KAZN: variants seen among roughly 807,000 people sequenced by gnomAD.
The protein encoded by KAZN is kazrin, periplakin interacting protein.
KAZN carries 40 observed loss-of-function variants against 87.4 expected under a neutral mutation model. The observed-to-expected ratio is 0.46, with a 90% CI of 0.36 to 0.60. The LOEUF (loss-of-function observed/expected upper bound fraction) is 0.60, where lower values mean the gene tolerates loss of function less well. Among genes scored for constraint, KAZN ranks in the 20% least tolerant of loss-of-function variants. KAZN has a pLI of 0.00. For missense variants in KAZN, 898 were observed against 1,073.9 expected (o/e 0.84, Z 2.29); for synonymous variants, 466 against 458.3 (o/e 1.02, Z -0.22).
intron 1 of KAZN, among the ~76,000 whole-genome samples, chr1:14,876,140 C>T (rs1382118218): frequency 6.6e-6 from 1 of 152,224 alleles, no homozygotes; most frequent in African/African-American, 2.4e-5. Flanking sequence ...ATTAGGGCAC[C>T]TCAGAGGCTT....
intron 1 of KAZN, among the ~76,000 whole-genome samples, chr1:14,009,656 C>T (rs1310715306): frequency 6.6e-6 from 1 of 152,170 alleles, no homozygotes; most frequent in Non-Finnish European, 1.5e-5. Context: ...AGGTCAGGAG[C>T]CTAACGTGGG....
intron 1 of KAZN, among the ~76,000 whole-genome samples, chr1:14,032,613 A>T (rs567059669): frequency 2.0e-4 from 31 of 152,130 alleles, no homozygotes; most frequent in Non-Finnish European, 4.0e-4. Context: ...TTTCCCATCC[A>T]TTCTGCATGC....
chr1:14,393,340 A>G (rs1173590610), intron 2 of KAZN, among the ~76,000 whole-genome samples: 2 of 152,222 alleles, frequency 1.3e-5, no homozygotes, highest in African/African-American at 4.8e-5. Flanking sequence ...AATAGATGCT[A>G]TATTGCTATT....
At chr1:14,749,054 T>A (rs2100478845) in intron 1 of KAZN, among the ~76,000 whole-genome samples, 1 of 152,356 alleles carries the variant, frequency 6.6e-6, no homozygotes, top group East Asian at 1.9e-4. Context: ...CACAGGCAAG[T>A]CACTCTAGTC....
At chr1:15,073,048 A>C (rs1296163128) in intron 8 of KAZN, among the ~76,000 whole-genome samples, 2 of 152,224 alleles carry the variant, frequency 1.3e-5, no homozygotes, top group East Asian at 3.9e-4. Context: ...GGGTTGCCAT[A>C]GCTGGCGAAA....
At chr1:14,173,242 T>A (rs930183693) in intron 1 of KAZN, among the ~76,000 whole-genome samples, 3 of 152,148 alleles carry the variant, frequency 2.0e-5, no homozygotes, top group Non-Finnish European at 4.4e-5. Flanking sequence ...ACAAGCATCT[T>A]TATAGTAATC....
intron 2 of KAZN, among the ~76,000 whole-genome samples, chr1:14,204,605 A>G (rs998459050): frequency 2.0e-5 from 3 of 152,248 alleles, no homozygotes; most frequent in Non-Finnish European, 2.9e-5. Context: ...GTAAATGAAA[A>G]AGAAAATATT....
chr1:14,112,428 A>ATATCTAT (rs1644519739), intron 1 of KAZN, among the ~76,000 whole-genome samples: 3 of 77,722 alleles, frequency 3.9e-5, no homozygotes, highest in Admixed American at 1.2e-4. Flanking sequence ...CTCTTTGGCC[A>ATATCTAT]CTGTGGGTTG....
chr1:14,353,786 A>G (rs1658762460), intron 2 of KAZN, among the ~76,000 whole-genome samples: 1 of 152,194 alleles, frequency 6.6e-6, no homozygotes, highest in Non-Finnish European at 1.5e-5. Flanking sequence ...AAATGAAAAA[A>G]CTAAGTATAA....
At chr1:14,683,490 G>T (rs1028908135) in intron 1 of KAZN, among the ~76,000 whole-genome samples, 6 of 152,120 alleles carry the variant, frequency 3.9e-5, no homozygotes, top group Non-Finnish European at 7.4e-5. Context: ...TCTCCTTCCA[G>T]CCTCCACTGC....
chr1:13,977,078 T>C (rs763847094), intron 1 of KAZN, among the ~76,000 whole-genome samples: 3 of 152,216 alleles, frequency 2.0e-5, no homozygotes, highest in Non-Finnish European at 4.4e-5. Flanking sequence ...TACAGGTTGG[T>C]TCCCCATTGT....
At chr1:14,711,015 T>G (rs1332589006) in intron 1 of KAZN, among the ~76,000 whole-genome samples, 1 of 151,970 alleles carries the variant, frequency 6.6e-6, no homozygotes, top group Non-Finnish European at 1.5e-5. Context: ...AAGATACCAC[T>G]ATCTCCACAA....
intron 2 of KAZN, among the ~76,000 whole-genome samples, chr1:14,377,456 G>A (rs181253207): frequency 7.4e-4 from 113 of 152,282 alleles, no homozygotes; most frequent in African/African-American, 2.5e-3. Context: ...AGTAGAAAAC[G>A]TAAGAAATAG....
intron 1 of KAZN, among the ~76,000 whole-genome samples, chr1:14,892,655 C>T (rs1654839666): frequency 6.6e-6 from 1 of 152,226 alleles, no homozygotes; most frequent in Non-Finnish European, 1.5e-5. Context: ...TGACCTCTGT[C>T]TGCATCACTG....
intron 2 of KAZN, among the ~76,000 whole-genome samples, chr1:14,258,856 G>A (rs151249216): frequency 9.8e-4 from 150 of 152,302 alleles, no homozygotes; most frequent in Admixed American, 1.7e-3. Context: ...ATAGAAGTAA[G>A]AGAAGCTCAC....
rs1273379855 is a variant in KAZN at position 14,735,999 on chromosome 1, G to A, written c.226+136776G>A. Among the ~76,000 whole-genome samples the A allele has an allele frequency of 6.6e-6, 1 of 152,142 alleles. No individual in the cohort carries two copies. Among genetic ancestry groups the A allele is most frequent in the Non-Finnish European group, 1.5e-5 (1 of 68,028 alleles). On this transcript the variant is annotated intron_variant, in intron 1 of 14. Coordinates refer to ENST00000376030, the MANE Select transcript of KAZN (RefSeq NM_201628.3). This position sits in a 1 kb window ranked among gnomAD's most constrained non-coding sequence, Gnocchi z 4.3. ...AACAAATAAGTGTTATGGGACATCT[G>A]GTGGAAATGCACCCTAGAGATAAGA...
chr1:14,260,738 T>C (rs2100650259), intron 2 of KAZN, among the ~76,000 whole-genome samples: 1 of 152,340 alleles, frequency 6.6e-6, no homozygotes, highest in East Asian at 1.9e-4. Context: ...TGCCAGGCAC[T>C]GTTTCTGCAC....
At chr1:14,972,236 G>A (rs1055007570) in intron 2 of KAZN, among the ~76,000 whole-genome samples, 1 of 152,186 alleles carries the variant, frequency 6.6e-6, no homozygotes, top group African/African-American at 2.4e-5. Flanking sequence ...CCATGACAGG[G>A]TCAGGACATG....
At chr1:13,898,121 G>A (rs1639113003) in intron 1 of KAZN, among the ~76,000 whole-genome samples, 1 of 152,352 alleles carries the variant, frequency 6.6e-6, no homozygotes, top group Middle Eastern at 3.4e-3. Flanking sequence ...ACATACAGGG[G>A]TTCAGCTGTG....
Sources: allele counts gnomAD v4.1 joint callset (sites outside exome capture counted in the v4.1 genomes callset), GRCh38; gene constraint gnomAD v4.1.1; non-coding constraint Gnocchi (gnomAD v3.1); transcripts MANE v1.5; gene names NCBI Gene and HGNC (gene_info 2026-07-23, HGNC 2026-07-21).